NALF1: variants seen among roughly 807,000 people sequenced by gnomAD.
The protein encoded by NALF1 is NALCN channel auxiliary factor 1.
A neutral mutation model predicts 48.4 loss-of-function variants in NALF1; 3 were observed. The ratio of observed to expected loss-of-function variants is 0.06; its 90% CI spans 0.03 to 0.16. The LOEUF (loss-of-function observed/expected upper bound fraction) is 0.16, where lower values mean the gene tolerates loss of function less well. Ranked by LOEUF, NALF1 falls within the 10% of genes least tolerant of loss-of-function variation. The pLI is 1.00. For missense variants in NALF1, 526 were observed against 571.5 expected, an observed-to-expected ratio of 0.92 and a Z score of 0.81; for synonymous variants, 262 against 245.7, an observed-to-expected ratio of 1.07 and a Z score of -0.62.
chr13:107,472,487 G>A (rs1885116702), intron 1 of NALF1, among the ~76,000 whole-genome samples: 1 of 152,114 alleles, frequency 6.6e-6, no homozygotes, highest in Non-Finnish European at 1.5e-5. Context: ...CAGTAGACTG[G>A]GAGAGGCAGA....
At chr13:107,608,324 C>T (rs938834233) in intron 1 of NALF1, among the ~76,000 whole-genome samples, 3 of 152,208 alleles carry the variant, frequency 2.0e-5, no homozygotes, top group Middle Eastern at 3.4e-3. Flanking sequence ...CAGCCAACAG[C>T]CAGTGTCAAT....
chr13:107,809,441 C>T (rs1458497645), intron 1 of NALF1, among the ~76,000 whole-genome samples: 1 of 152,060 alleles, frequency 6.6e-6, no homozygotes, highest in Non-Finnish European at 1.5e-5. Flanking sequence ...AATGTGAAGG[C>T]ATTTGCCACT....
In NALF1 at chr13:107,326,048, A is replaced by G. The variant is rs1272598923; in HGVS notation, c.916-115293T>C. Among the ~76,000 whole-genome samples, 3 of 150,862 alleles carry G rather than the reference A, an allele frequency of 2.0e-5. No homozygotes were observed. In the South Asian group the frequency reaches 6.3e-4, roughly 32 times the overall value. ...CTACTTTTCATCAAATCGTTTCATT[A>G]GCCTCGAGTCATCCAAAAAGGAAAA... On this transcript the variant is annotated intron_variant, in intron 1 of 2. Transcript: ENST00000375915.
At chr13:107,215,351 C>T (rs973701417) in intron 1 of NALF1, among the ~76,000 whole-genome samples, 8 of 152,258 alleles carry the variant, frequency 5.3e-5, no homozygotes, top group South Asian at 4.1e-4. Flanking sequence ...TCCAGACCTA[C>T]GTCCACATCT....
chr13:107,521,938 CACAT>C (rs1391673861), intron 1 of NALF1, among the ~76,000 whole-genome samples: 5 of 150,494 alleles, frequency 3.3e-5, no homozygotes, highest in South Asian at 2.1e-4. Context: ...CACACACACA[CACAT>C]ACACACACAC....
At chr13:107,837,798 C>A (rs1454563794) in intron 1 of NALF1, among the ~76,000 whole-genome samples, 1 of 152,088 alleles carries the variant, frequency 6.6e-6, no homozygotes, top group Admixed American at 6.5e-5. Flanking sequence ...GAAAATGATA[C>A]TTTACCAGTT....
intron 1 of NALF1, among the ~76,000 whole-genome samples, chr13:107,592,719 T>C (rs1878631816): frequency 6.6e-6 from 1 of 151,886 alleles, no homozygotes; most frequent in Non-Finnish European, 1.5e-5. Flanking sequence ...ACTTCTAAAA[T>C]TCAGTAATTA....
At chr13:107,435,216 C>CTA (rs1197753509) in intron 1 of NALF1, among the ~76,000 whole-genome samples, 1 of 152,016 alleles carries the variant, frequency 6.6e-6, no homozygotes, top group Non-Finnish European at 1.5e-5. Flanking sequence ...AGGCATGTTC[C>CTA]TATAGGTCTG....
intron 1 of NALF1, among the ~76,000 whole-genome samples, chr13:107,576,406 T>C (rs1241597483): frequency 6.6e-6 from 1 of 152,226 alleles, no homozygotes; most frequent in Non-Finnish European, 1.5e-5. Flanking sequence ...AAGAAATCTT[T>C]GCTTGGACTA....
At chr13:107,412,744 T>A (rs1443381125) in intron 1 of NALF1, among the ~76,000 whole-genome samples, 1 of 152,308 alleles carries the variant, frequency 6.6e-6, no homozygotes, top group East Asian at 1.9e-4. Flanking sequence ...ATCAAAAAAA[T>A]GCATATCTAC....
intron 1 of NALF1, among the ~76,000 whole-genome samples, chr13:107,356,389 T>A (rs1053502975): frequency 6.6e-6 from 1 of 152,142 alleles, no homozygotes; most frequent in African/African-American, 2.4e-5. Context: ...GAAACTTAAA[T>A]CTCAAATGAA....
chr13:107,679,125 G>A (rs1389447671), intron 1 of NALF1, among the ~76,000 whole-genome samples: 2 of 152,024 alleles, frequency 1.3e-5, no homozygotes, highest in Non-Finnish European at 2.9e-5. Context: ...TGTAATCTGG[G>A]ATAGCCTCAG....
chr13:107,717,463 G>A (rs937953980), intron 1 of NALF1, among the ~76,000 whole-genome samples: 3 of 152,062 alleles, frequency 2.0e-5, no homozygotes, highest in African/African-American at 4.8e-5. Context: ...GAAGGCCAGC[G>A]AGCTGGAAAA....
At chr13:107,498,659 T>C (rs1480054532) in intron 1 of NALF1, among the ~76,000 whole-genome samples, 1 of 152,058 alleles carries the variant, frequency 6.6e-6, no homozygotes, top group Non-Finnish European at 1.5e-5. Flanking sequence ...AATGAGACAA[T>C]CTCAATCAGG....
chr13:107,234,666 G>A (rs151054435), intron 1 of NALF1, among the ~76,000 whole-genome samples: 24 of 151,378 alleles, frequency 1.6e-4, no homozygotes, highest in African/African-American at 5.3e-4. Context: ...GGCAAGTGAC[G>A]TCCCCCAAGT....
rs1880765966 is a variant in NALF1, at chr13:107,867,229, C to T, written c.-633G>A. On this transcript the variant is annotated 5_prime_UTR_variant, in exon 1 of 3. Coordinates refer to ENST00000375915, the MANE Select transcript of NALF1 (RefSeq NM_001080396.3). The surrounding 1 kb of genome is among the most constrained non-coding windows in gnomAD (Gnocchi z 4.4). ...CCCGCTCCTGCTCCGCGCTGGCTCT[C>T]CCAGAGTCCGGAGCCTGGGCTGCCT... 6.6e-6 allele frequency among the ~76,000 whole-genome samples: 1 copy of T among 151,370 alleles called. No homozygotes were observed. The highest frequency in any genetic ancestry group is 1.5e-5 in the Non-Finnish European group (1 of 67,732).
rs74114032 is a variant in NALF1 at position 107,261,814 on chromosome 13, A to C, written c.916-51059T>G. Among the ~76,000 whole-genome samples the C allele has an allele frequency of 3.6e-3, 552 of 152,264 alleles. 5 individuals are homozygous for C. Among genetic ancestry groups the C allele is most frequent in the African/African-American group, 0.012 (517 of 41,536 alleles). On this transcript the variant is annotated intron_variant, in intron 1 of 2. Transcript: ENST00000375915. ...CAGTTACTTGAGCAAATAAATCACTAATTTCATTATCAAACTAATAAAATA... is the reference window on the plus strand; with the variant it reads ...CAGTTACTTGAGCAAATAAATCACTCATTTCATTATCAAACTAATAAAATA...
intron 1 of NALF1, among the ~76,000 whole-genome samples, chr13:107,729,217 T>C (rs1248525448): frequency 6.6e-6 from 1 of 152,074 alleles, no homozygotes; most frequent in Non-Finnish European, 1.5e-5. Flanking sequence ...TAAACAAACA[T>C]AAAGAAGAAT....
intron 1 of NALF1, among the ~76,000 whole-genome samples, chr13:107,713,102 G>A (rs769224569): frequency 6.6e-6 from 1 of 152,168 alleles, no homozygotes; most frequent in Admixed American, 6.5e-5. Context: ...TCAGAACCAC[G>A]TCCACACATC....
Sources: allele counts gnomAD v4.1 joint callset (sites outside exome capture counted in the v4.1 genomes callset), GRCh38; gene constraint gnomAD v4.1.1; non-coding constraint Gnocchi (gnomAD v3.1); transcripts MANE v1.5; gene names NCBI Gene and HGNC (gene_info 2026-07-23, HGNC 2026-07-21).